ECPAS: variants seen among roughly 807,000 people sequenced by gnomAD.
ECPAS encodes Ecm29 proteasome adaptor and scaffold, also known as proteasome adapter and scaffold protein ECM29.
In ECPAS, 70 loss-of-function variants were observed where a neutral mutation model predicts 255.1. The ratio of observed to expected loss-of-function variants is 0.27; its 90% CI spans 0.23 to 0.33. The LOEUF (loss-of-function observed/expected upper bound fraction) is 0.33, where lower values mean the gene tolerates loss of function less well. Ranked by LOEUF, ECPAS falls within the 10% of genes least tolerant of loss-of-function variation. The probability of loss-of-function intolerance (pLI) is 1.00; values close to 1 mark genes in which losing one functional copy is unlikely to be tolerated. For synonymous variants in ECPAS, 784 were observed against 775.0 expected (o/e 1.01, Z -0.19); for missense variants, 1,817 against 2,206.4 (o/e 0.82, Z 3.54).
chr9:111,372,520 T>C lies in ECPAS; in HGVS notation c.4437A>G (p.Ala1479=). ...CAGCAATTTCATGCATGCCTAAAAA[T>C]GCCAGAGGCAGGACTTCTTTTGCAT... The part of the protein sequence containing the change: ...KNHAKEVLPL[A]FLGMHEIADE... The change falls in exon 42 of 50, where the codon GCA becomes GCG. Residue 1479 remains alanine, a synonymous_variant. Transcript: ENST00000684092. 13 of 1,613,880 alleles carry C rather than the reference T, an allele frequency of 8.1e-6. No individual in the cohort carries two copies. Among genetic ancestry groups the C allele is most frequent in the Non-Finnish European group, 1.1e-5 (13 of 1,179,796 alleles).
chr9:111,430,366 A>C (rs1200964697), intron 9 of ECPAS, among the ~76,000 whole-genome samples, 181 bp downstream of exon 9: 2 of 152,238 alleles, frequency 1.3e-5, no homozygotes, highest in East Asian at 3.8e-4. Context: ...AATTTACAAC[A>C]CAAGATCCAG....
intron 9 of ECPAS, among the ~76,000 whole-genome samples, chr9:111,428,853 C>A (rs958808045): frequency 2.0e-5 from 3 of 152,146 alleles, no homozygotes; most frequent in African/African-American, 7.2e-5. Flanking sequence ...CTGAATGGCT[C>A]CCTTGTCCTT....
In ECPAS at chr9:111,470,436, G is replaced by A. The variant is rs573851901; in HGVS notation, c.22+2461C>T. Among the ~76,000 whole-genome samples the A allele has an allele frequency of 2.9e-4, 44 of 151,566 alleles. No homozygotes were observed. The East Asian group carries it at 4.5e-3, about 16-fold the overall frequency. On this transcript the variant is annotated intron_variant, in intron 2 of 49. Coordinates refer to ENST00000684092, the MANE Select transcript of ECPAS (RefSeq NM_001364929.1). ...AGTGACTCTCCTGCCTCAGCCTCCC[G>A]AGTAGCGGGGACTATAGGCATGTGC... is the stretch of plus-strand genomic sequence containing the variant.
At chr9:111,465,899 T>C (rs2098278929) in intron 2 of ECPAS, among the ~76,000 whole-genome samples, 1 of 151,430 alleles carries the variant, frequency 6.6e-6, no homozygotes, top group African/African-American at 2.4e-5. Context: ...CCAGGCATGG[T>C]GGTGCGTCCC....
chr9:111,477,297 G>A (rs981878656), intron 1 of ECPAS, among the ~76,000 whole-genome samples: 2 of 151,130 alleles, frequency 1.3e-5, no homozygotes, highest in African/African-American at 4.9e-5. Context: ...TTTTAGTAGA[G>A]ACGGGGGTTT....
At chr9:111,373,500 C>A in intron 39 of ECPAS, 94 bp from the exon 40 acceptor site, 1 of 930,496 alleles carries the variant, frequency 1.1e-6, no homozygotes. Context: ...CTGTAATTAA[C>A]ATCTGATTTA....
At chr9:111,468,693 T>C (rs184479767) in intron 2 of ECPAS, among the ~76,000 whole-genome samples, 1 of 152,044 alleles carries the variant, frequency 6.6e-6, no homozygotes, top group Admixed American at 6.6e-5. Flanking sequence ...CTCAAACGTG[T>C]GTGTGTGTGT....
chr9:111,422,827 T>C (rs570852892), intron 13 of ECPAS, among the ~76,000 whole-genome samples: 5 of 152,262 alleles, frequency 3.3e-5, no homozygotes, highest in African/African-American at 1.2e-4. Flanking sequence ...ATAAACACCA[T>C]TCTCAGAAAA....
chr9:111,415,648 G>A (rs928094865), intron 18 of ECPAS, among the ~76,000 whole-genome samples: 2 of 150,790 alleles, frequency 1.3e-5, no homozygotes, highest in Admixed American at 6.6e-5. Context: ...GCAATGAACC[G>A]AGATCACGCC....
Position 111,375,107 on chromosome 9 carries a change from A to C in ECPAS, c.4110+6T>G. The C allele has an allele frequency of 6.2e-7, 1 of 1,605,058 alleles. No homozygotes were observed. The highest frequency in any genetic ancestry group is 8.5e-7 in the Non-Finnish European group (1 of 1,172,542). ...GCACATTTCCTCTTGTGGAAAGTAC[A>C]CTTACCTTAGTTCCAAGACCTACAC... On this transcript the variant is annotated splice_donor_region_variant and intron_variant, in intron 38 of 49. Transcript: ENST00000684092.
chr9:111,404,543 C>T (rs1465751713), intron 24 of ECPAS, among the ~76,000 whole-genome samples: 1 of 148,980 alleles, frequency 6.7e-6, no homozygotes, highest in Non-Finnish European at 1.5e-5. Flanking sequence ...ACTGTTCTGA[C>T]AGGGAGCGTG....
intron 2 of ECPAS, among the ~76,000 whole-genome samples, chr9:111,462,499 T>C (rs891872524): frequency 9.9e-5 from 15 of 152,094 alleles, no homozygotes; most frequent in Non-Finnish European, 2.2e-4. Flanking sequence ...GGATAGGGTA[T>C]GTAAAATAAG....
chr9:111,381,988 G>A (rs1298757918), intron 35 of ECPAS, among the ~76,000 whole-genome samples: 5 of 148,808 alleles, frequency 3.4e-5, no homozygotes, highest in Non-Finnish European at 7.4e-5. Context: ...GCTAAACTGA[G>A]TTCACGTTCA....
intron 1 of ECPAS, among the ~76,000 whole-genome samples, chr9:111,477,747 A>G (rs987917754): frequency 2.6e-5 from 4 of 152,160 alleles, no homozygotes; most frequent in African/African-American, 9.7e-5. Flanking sequence ...GATACATGCA[A>G]AACAATTAGA....
intron 13 of ECPAS, 91 bp from the exon 14 acceptor site, chr9:111,422,291 C>T: frequency 7.4e-7 from 1 of 1,346,038 alleles, no homozygotes; most frequent in Non-Finnish European, 1.0e-6. Flanking sequence ...TTTTCCTGAA[C>T]TCTCTGAAGA....
intron 8 of ECPAS, among the ~76,000 whole-genome samples, chr9:111,431,966 C>A (rs982269727): frequency 5.3e-5 from 8 of 152,142 alleles, no homozygotes; most frequent in African/African-American, 1.7e-4. Flanking sequence ...TTAGAGATTT[C>A]AGACAAAACA....
intron 47 of ECPAS, 43 bp downstream of exon 47, chr9:111,366,479 C>T (rs41312224): frequency 0.058 from 83,451 of 1,447,932 alleles, 2,745 homozygotes; most frequent in Non-Finnish European, 0.066. Context: ...TAAAATGCTG[C>T]GGGGAGGAAC....
chr9:111,457,776 A>G (rs921364846), intron 2 of ECPAS, among the ~76,000 whole-genome samples: 7 of 152,244 alleles, frequency 4.6e-5, no homozygotes, highest in African/African-American at 1.7e-4. Flanking sequence ...ATAAATTTAC[A>G]GCAGCATTAA....
chr9:111,464,190 T>C (rs141406933), intron 2 of ECPAS, among the ~76,000 whole-genome samples: 219 of 151,298 alleles, frequency 1.4e-3, no homozygotes, highest in African/African-American at 5.0e-3. Context: ...CCCAGCACTT[T>C]AGGAGGCTGA....
Sources: gnomAD v4.1 joint callset for allele counts (sites outside exome capture counted in the v4.1 genomes callset) on GRCh38, gnomAD v4.1.1 for gene constraint, MANE v1.5 for transcripts, NCBI Gene and HGNC (gene_info 2026-07-23, HGNC 2026-07-21) for gene names.